Variants in FHIT observed in about 807,000 individuals in gnomAD.
FHIT encodes the protein bis(5'-adenosyl)-triphosphatase.
A neutral mutation model predicts 17.9 loss-of-function variants in FHIT; 19 were observed. The ratio of observed to expected loss-of-function variants is 1.06; its 90% confidence interval spans 0.74 to 1.56. The LOEUF (loss-of-function observed/expected upper bound fraction) is 1.56. Among genes scored for constraint, FHIT ranks in the 40% most tolerant of loss-of-function variants. The probability of loss-of-function intolerance (pLI) is 0.00; values close to 1 mark genes in which losing one functional copy is unlikely to be tolerated. For missense variants in FHIT, 248 were observed against 189.2 expected, an observed-to-expected ratio of 1.31 and a Z score of -1.82; for synonymous variants, 81 against 69.7, an observed-to-expected ratio of 1.16 and a Z score of -0.81.
intron 5 of FHIT, among the ~76,000 whole-genome samples, chr3:60,440,266 A>C (rs2030676043): frequency 6.6e-6 from 1 of 152,012 alleles, no homozygotes; most frequent in Non-Finnish European, 1.5e-5. Context: ...CCAAGACTAG[A>C]CTTTTCTCCC....
chr3:60,972,921 T>C (rs1710083498), intron 3 of FHIT, among the ~76,000 whole-genome samples: 1 of 152,182 alleles, frequency 6.6e-6, no homozygotes, highest in South Asian at 2.1e-4. Flanking sequence ...ATTCCTTTCA[T>C]AGGATCTAGA....
intron 5 of FHIT, among the ~76,000 whole-genome samples, chr3:60,436,074 G>A (rs1015269105): frequency 1.1e-4 from 16 of 151,606 alleles, no homozygotes; most frequent in African/African-American, 3.2e-4. Context: ...ATGGAGTTTC[G>A]CTCTGTCATC....
chr3:60,887,289 G>GT (rs1465194271), intron 3 of FHIT, among the ~76,000 whole-genome samples: 1 of 151,990 alleles, frequency 6.6e-6, no homozygotes, highest in African/African-American at 2.4e-5. Flanking sequence ...GTTTTGTTTT[G>GT]TTTTTTACAT....
At position 60,389,516 on chromosome 3, in the gene FHIT, G is replaced by A. The variant is rs1399398536; in HGVS notation, c.103+147344C>T. Among the ~76,000 whole-genome samples the A allele has an allele frequency of 2.6e-5, 4 of 152,134 alleles. No homozygotes were observed. The East Asian group carries it at 5.8e-4, about 22-fold the overall frequency. Reference sequence around the variant, plus strand: ...ACAACTACCTAACAGCTTCTAAAATGAGTGTCTGGCTTGGAAGATTTTTAA... The same window carrying A: ...ACAACTACCTAACAGCTTCTAAAATAAGTGTCTGGCTTGGAAGATTTTTAA... On this transcript the variant is annotated intron_variant, in intron 5 of 9. Transcript: ENST00000492590.
chr3:59,895,282 C>T (rs1704021323), intron 8 of FHIT, among the ~76,000 whole-genome samples: 1 of 152,168 alleles, frequency 6.6e-6, no homozygotes. Context: ...ACTGGAGGCT[C>T]CAGGTAAGTA....
At chr3:60,471,265 C>T (rs1442590335) in intron 5 of FHIT, among the ~76,000 whole-genome samples, 1 of 152,152 alleles carries the variant, frequency 6.6e-6, no homozygotes, top group African/African-American at 2.4e-5. Context: ...TGGTTCTGAG[C>T]TCAGTACAGG....
At chr3:60,240,145 C>A (rs770466005) in intron 5 of FHIT, among the ~76,000 whole-genome samples, 3 of 152,108 alleles carry the variant, frequency 2.0e-5, no homozygotes, top group Non-Finnish European at 4.4e-5. Context: ...CATCTCCCTA[C>A]CACAGCAGGA....
At chr3:60,965,978 A>G (rs1356660007) in intron 3 of FHIT, among the ~76,000 whole-genome samples, 1 of 152,060 alleles carries the variant, frequency 6.6e-6, no homozygotes, top group Non-Finnish European at 1.5e-5. Flanking sequence ...TCAGATAGGG[A>G]CGTTTAAGTC....
intron 5 of FHIT, among the ~76,000 whole-genome samples, chr3:60,207,392 T>C (rs1559728207): frequency 1.3e-5 from 2 of 152,178 alleles, no homozygotes; most frequent in Admixed American, 1.3e-4. Context: ...CTTTCAATAA[T>C]GGCCTTCCAA....
At chr3:60,089,917 A>T (rs868772401) in intron 5 of FHIT, among the ~76,000 whole-genome samples, 17 of 152,194 alleles carry the variant, frequency 1.1e-4, no homozygotes, top group African/African-American at 3.9e-4. Flanking sequence ...CCACTTAGAG[A>T]TGACAGAATA....
intron 5 of FHIT, among the ~76,000 whole-genome samples, chr3:60,349,886 G>A (rs1710997816): frequency 6.6e-6 from 1 of 152,128 alleles, no homozygotes; most frequent in Non-Finnish European, 1.5e-5. Flanking sequence ...AACTCCATGA[G>A]GGTAAAACCT....
At chr3:60,426,544 A>T (rs1005712608) in intron 5 of FHIT, among the ~76,000 whole-genome samples, 3 of 152,212 alleles carry the variant, frequency 2.0e-5, no homozygotes, top group Middle Eastern at 3.4e-3. Context: ...CACTGCTCAC[A>T]TTCATTCATT....
chr3:60,758,600 G>A (rs7612949), intron 4 of FHIT, among the ~76,000 whole-genome samples: 67,178 of 151,994 alleles, frequency 0.44, 15,262 homozygotes, highest in South Asian at 0.57. Flanking sequence ...AATAAAATAA[G>A]CATTAGTGGT....
intron 3 of FHIT, among the ~76,000 whole-genome samples, chr3:61,017,657 T>G (rs1198645760): frequency 6.6e-6 from 1 of 152,204 alleles, no homozygotes; most frequent in Admixed American, 6.5e-5. Flanking sequence ...GGGTGTCTAA[T>G]ATGCTGCAAA....
chr3:60,489,341 T>G (rs879498130), intron 5 of FHIT, among the ~76,000 whole-genome samples: 2 of 152,164 alleles, frequency 1.3e-5, no homozygotes, highest in African/African-American at 4.8e-5. Flanking sequence ...TGTATACTTT[T>G]TATTTCTGAG....
chr3:59,976,200 A>C (rs911797552), intron 7 of FHIT, among the ~76,000 whole-genome samples: 6 of 152,092 alleles, frequency 3.9e-5, no homozygotes, highest in African/African-American at 1.4e-4. Flanking sequence ...ATAATCACAT[A>C]AACAGAAGTA....
chr3:60,170,405 G>A (rs978338541), intron 5 of FHIT, among the ~76,000 whole-genome samples: 3 of 152,084 alleles, frequency 2.0e-5, no homozygotes, highest in African/African-American at 7.2e-5. Context: ...TCCTCCTGTT[G>A]GCTGAAGTTA....
chr3:60,805,150 A>G (rs184014286), intron 4 of FHIT, among the ~76,000 whole-genome samples: 1 of 152,332 alleles, frequency 6.6e-6, no homozygotes, highest in African/African-American at 2.4e-5. Context: ...GGACTTTCAT[A>G]GTTGCTTTGG....
intron 5 of FHIT, among the ~76,000 whole-genome samples, chr3:60,297,542 CT>C (rs1177453648): frequency 6.6e-6 from 1 of 151,384 alleles, no homozygotes; most frequent in Non-Finnish European, 1.5e-5. Context: ...ATTCCTTAGA[CT>C]TTTCTAGGTA....
Sources: allele counts gnomAD v4.1 joint callset (sites outside exome capture counted in the v4.1 genomes callset), GRCh38; gene constraint gnomAD v4.1.1; transcripts MANE v1.5; gene names NCBI Gene and HGNC (gene_info 2026-07-23, HGNC 2026-07-21).